Variants in PPIL6 observed in about 807,000 individuals in gnomAD.
PPIL6 encodes peptidylprolyl isomerase like 6.
PPIL6 carries 39 observed loss-of-function variants against 36.8 expected under a neutral mutation model. That is an observed-to-expected ratio of 1.06 (90% CI 0.82 to 1.38). The LOEUF (loss-of-function observed/expected upper bound fraction) is 1.38. PPIL6 is among the 40% of genes most tolerant of loss of function. PPIL6 has a pLI of 0.00. For synonymous variants in PPIL6, 123 were observed against 134.1 expected (o/e 0.92, Z 0.57); for missense variants, 368 against 379.1 (o/e 0.97, Z 0.24).
At chr6:109,399,888 A>G in intron 7 of PPIL6, 147 bp downstream of exon 7, 1 of 561,384 alleles carries the variant, frequency 1.8e-6, no homozygotes. Context: ...AATATTTCTT[A>G]AATACTTTTG....
At position 109,392,941 on chromosome 6, in the gene PPIL6, C is replaced by A; in HGVS notation, c.825-4G>T. 6.4e-7 allele frequency: 1 copy of A among 1,562,964 alleles called. No individual in the cohort carries two copies. The highest frequency in any genetic ancestry group is 8.7e-7 in the Non-Finnish European group (1 of 1,151,426). On this transcript the variant is annotated splice_polypyrimidine_tract_variant and splice_region_variant and intron_variant, in intron 7 of 7. Transcript: ENST00000521072. ...TTCTGTTCCTTCAATCAGTTGCCTA[C>A]ATAGGAGAAAAAAATGGAAAATTTA...
At chr6:109,411,524 TAC>T (rs1278573369) in intron 6 of PPIL6, among the ~76,000 whole-genome samples, 1 of 152,240 alleles carries the variant, frequency 6.6e-6, no homozygotes, top group African/African-American at 2.4e-5. Context: ...GCTACCTGGT[TAC>T]ACAGATATAA....
chr6:109,404,700 G>A (rs1161800496), intron 6 of PPIL6, among the ~76,000 whole-genome samples: 1 of 152,206 alleles, frequency 6.6e-6, no homozygotes, highest in Non-Finnish European at 1.5e-5. Flanking sequence ...TGATAGAGCT[G>A]TCTGCAGGAA....
At chr6:109,434,691 C>T (rs1228776344) in intron 2 of PPIL6, among the ~76,000 whole-genome samples, 2 of 152,094 alleles carry the variant, frequency 1.3e-5, no homozygotes, top group Admixed American at 1.3e-4. Context: ...ACAGAACAAT[C>T]GAAACTGCTC....
chr6:109,426,924 G>A lies in PPIL6; in HGVS notation c.554C>T (p.Ser185Phe). The A allele has an allele frequency of 6.2e-7, 1 of 1,608,480 alleles. No homozygotes were observed. Residue 185 changes from serine (S) to phenylalanine (F), a missense_variant, in exon 5 of 8, where the codon TCT becomes TTT. Physicochemically the swap from Ser to Phe is radical, Grantham distance 155. Coordinates refer to ENST00000521072, the MANE Select transcript of PPIL6 (RefSeq NM_173672.5). ...QVLCTGKAGFSQRGIRLHYKN... is the reference protein window; with the variant it reads ...QVLCTGKAGFFQRGIRLHYKN... ...GTAATGTAGTCTTATGCCACGTTGA[G>A]AAAACCCTGCTTTTCCTGTGCACAA... is the stretch of plus-strand genomic sequence containing the variant.
intron 3 of PPIL6, among the ~76,000 whole-genome samples, chr6:109,429,598 C>G (rs9487102): frequency 0.013 from 1,985 of 152,276 alleles, 47 homozygotes; most frequent in African/African-American, 0.046. Context: ...GCCTTGCCAG[C>G]TAGGTGCTCC....
At chr6:109,431,126 C>T (rs757240844) in intron 3 of PPIL6, 31 bp downstream of exon 3, 2 of 1,498,464 alleles carry the variant, frequency 1.3e-6, no homozygotes, top group African/African-American at 1.4e-5. Context: ...AAAGATTCCA[C>T]AATTTTTCTT....
intron 1 of PPIL6, chr6:109,440,155 T>C (rs778639935): frequency 1.3e-5 from 6 of 467,080 alleles, no homozygotes; most frequent in South Asian, 9.9e-5. Context: ...TGCGGGTGTG[T>C]GTGTGTGTGT....
chr6:109,425,276 C>A (rs557327538), intron 5 of PPIL6, among the ~76,000 whole-genome samples: 2 of 152,144 alleles, frequency 1.3e-5, no homozygotes, highest in Non-Finnish European at 2.9e-5. Flanking sequence ...TTTCCCAAGC[C>A]GTCCTTAACA....
intron 1 of PPIL6, among the ~76,000 whole-genome samples, chr6:109,437,867 G>A (rs1774542946): frequency 1.3e-5 from 2 of 152,102 alleles, no homozygotes; most frequent in African/African-American, 4.8e-5. Context: ...ACCGCACCTG[G>A]CCCGGTTGAC....
rs1163011937 is a variant in PPIL6 at position 109,390,268 on chromosome 6, A to C, written c.*2558T>G. 1 of 152,232 alleles carries C rather than the reference A, an allele frequency of 6.6e-6. No homozygotes were observed. Among genetic ancestry groups the C allele is most frequent in the Non-Finnish European group, 1.5e-5 (1 of 68,046 alleles). The allele number at this position is 152,232 out of a possible 1,614,324, so 9.4% of individuals were successfully genotyped here. A position where few individuals can be genotyped will look rare whatever the true frequency, so the allele number is the denominator to read the frequency against. ...TAAATTTATCGAGTGCTTACAGCAG[A>C]CCAGGTCTCTTATAGGTTCTTTATA... On this transcript the variant is annotated 3_prime_UTR_variant, in exon 8 of 8. Coordinates refer to ENST00000521072, the MANE Select transcript of PPIL6 (RefSeq NM_173672.5).
intron 2 of PPIL6, among the ~76,000 whole-genome samples, chr6:109,434,973 T>C (rs936384915): frequency 6.6e-6 from 1 of 152,150 alleles, no homozygotes; most frequent in African/African-American, 2.4e-5. Context: ...TCTGAGGGTA[T>C]AGATAGAGGG....
intron 6 of PPIL6, among the ~76,000 whole-genome samples, chr6:109,411,173 A>C (rs1772998620): frequency 6.6e-6 from 1 of 152,110 alleles, no homozygotes; most frequent in Non-Finnish European, 1.5e-5. Context: ...ACCGCATAAC[A>C]CCCAAGAATA....
intron 2 of PPIL6, among the ~76,000 whole-genome samples, chr6:109,432,495 A>G (rs975204174): frequency 6.6e-6 from 1 of 152,132 alleles, no homozygotes; most frequent in Non-Finnish European, 1.5e-5. Context: ...GCCATGCTCA[A>G]ACTTTCGTGG....
intron 6 of PPIL6, among the ~76,000 whole-genome samples, chr6:109,401,026 A>ATTTT (rs749611966): frequency 2.3e-4 from 26 of 114,916 alleles, no homozygotes; most frequent in African/African-American, 8.5e-4. Flanking sequence ...TGCCCGGCTA[A>ATTTT]TTTTTTTTTT....
Position 109,431,264 on chromosome 6 carries a change from G to A in PPIL6, c.313C>T (p.Leu105=). 6.2e-7 allele frequency: 1 copy of A among 1,611,660 alleles called. No homozygotes were observed. Residue 105 remains leucine (L), a synonymous_variant, in exon 3 of 8, where the codon CTG becomes TTG. Transcript: ENST00000521072. ...NGQFLGDALD[L]QKWAHEVWDI... ...CACACCTCGTGGGCCCATTTCTGCA[G>A]ATCCAATGCATCACCCAGAAACTGA...
At chr6:109,405,887 G>A (rs1325563081) in intron 6 of PPIL6, among the ~76,000 whole-genome samples, 2 of 152,124 alleles carry the variant, frequency 1.3e-5, no homozygotes. Flanking sequence ...TATGTTTCGT[G>A]ACCATTTAAC....
At chr6:109,409,618 C>A (rs367910209) in intron 6 of PPIL6, among the ~76,000 whole-genome samples, 2 of 151,500 alleles carry the variant, frequency 1.3e-5, no homozygotes, top group South Asian at 2.1e-4. Flanking sequence ...ATTACATGAT[C>A]TCATATTTAG....
chr6:109,404,641 A>G (rs1373598190), intron 6 of PPIL6, among the ~76,000 whole-genome samples: 2 of 152,252 alleles, frequency 1.3e-5, no homozygotes, highest in African/African-American at 2.4e-5. Flanking sequence ...TTTGGAGTTT[A>G]GTATTTTATG....
Sources: gnomAD v4.1 joint callset for allele counts (sites outside exome capture counted in the v4.1 genomes callset) on GRCh38, gnomAD v4.1.1 for gene constraint, MANE v1.5 for transcripts, NCBI Gene and HGNC (gene_info 2026-07-23, HGNC 2026-07-21) for gene names.